PRTFDC1: variants seen among roughly 807,000 people sequenced by gnomAD.
PRTFDC1 encodes the protein phosphoribosyltransferase domain-containing protein 1.
Under a neutral mutation model 34.6 loss-of-function variants are expected in PRTFDC1, and 38 were observed. The ratio of observed to expected loss-of-function variants is 1.10; its 90% CI spans 0.85 to 1.44. The LOEUF (loss-of-function observed/expected upper bound fraction) is 1.44. Ranked by LOEUF, PRTFDC1 falls within the 40% of genes most tolerant of loss-of-function variation. The probability of loss-of-function intolerance (pLI) is 0.00; values close to 1 mark genes in which losing one functional copy is unlikely to be tolerated. For missense variants in PRTFDC1, 270 were observed against 283.0 expected (o/e 0.95, Z 0.33); for synonymous variants, 93 against 98.1 (o/e 0.95, Z 0.31).
chr10:24,850,999 G>A (rs1039842329), intron 8 of PRTFDC1, among the ~76,000 whole-genome samples: 1 of 152,142 alleles, frequency 6.6e-6, no homozygotes, highest in East Asian at 1.9e-4. Context: ...AGAGGGAAGA[G>A]TTATGAGCTG....
rs116856216 is a variant in PRTFDC1 at position 24,858,428 on chromosome 10, A to G, written c.406-19T>C. ...GAACATTCTGAAATAAACAAAACCC[A>G]TATTTTAGAATGTGATGCCAATCTG... On this transcript the variant is annotated intron_variant, in intron 4 of 8. Coordinates refer to ENST00000320152, the MANE Select transcript of PRTFDC1 (RefSeq NM_020200.7). 5.6e-6 allele frequency: 9 copies of G among 1,612,590 alleles called. No homozygotes were observed. Among genetic ancestry groups the G allele is most frequent in the South Asian group, 3.3e-5 (3 of 90,904 alleles).
At chr10:24,883,815 G>T (rs1017971621) in intron 3 of PRTFDC1, among the ~76,000 whole-genome samples, 1 of 126,150 alleles carries the variant, frequency 7.9e-6, no homozygotes, top group Non-Finnish European at 1.6e-5. Flanking sequence ...TTTCTTAAGA[G>T]ACCTTTTTTT....
At chr10:24,892,217 G>A (rs1449411047) in intron 3 of PRTFDC1, among the ~76,000 whole-genome samples, 3 of 151,992 alleles carry the variant, frequency 2.0e-5, no homozygotes, top group Non-Finnish European at 4.4e-5. Context: ...GAACTCCTGG[G>A]CTCAAGCAAT....
At chr10:24,903,900 G>C (rs1025813709) in intron 3 of PRTFDC1, among the ~76,000 whole-genome samples, 1 of 151,516 alleles carries the variant, frequency 6.6e-6, no homozygotes, top group Non-Finnish European at 1.5e-5. Flanking sequence ...ACCTCCCCAG[G>C]CTGGTCTCAA....
chr10:24,935,943 A>T (rs1401246574), intron 3 of PRTFDC1, among the ~76,000 whole-genome samples: 4 of 152,196 alleles, frequency 2.6e-5, no homozygotes, highest in African/African-American at 9.7e-5. Flanking sequence ...AATCCCAACT[A>T]ACACACTGAT....
chr10:24,876,063 G>C (rs1847958264), intron 3 of PRTFDC1, among the ~76,000 whole-genome samples: 1 of 151,954 alleles, frequency 6.6e-6, no homozygotes, highest in Non-Finnish European at 1.5e-5. Context: ...GATAGGGCAA[G>C]TCTACTTTTT....
In PRTFDC1 at chr10:24,881,682, C is replaced by T. The variant is rs558713488; in HGVS notation, c.340-9619G>A. 2.0e-5 allele frequency among the ~76,000 whole-genome samples: 3 copies of T among 152,252 alleles called. No individual in the cohort carries two copies. The South Asian group carries it at 6.2e-4, about 32-fold the overall frequency. On this transcript the variant is annotated intron_variant, in intron 3 of 8. Coordinates refer to ENST00000320152, the MANE Select transcript of PRTFDC1 (RefSeq NM_020200.7). ...TTGTAAACAAAAGAACCTCAACAAT[C>T]ACTCTAGTTTACAGGAAAAGTCAAT... is the stretch of plus-strand genomic sequence containing the variant.
intron 3 of PRTFDC1, among the ~76,000 whole-genome samples, chr10:24,923,626 C>T (rs1848825038): frequency 6.6e-6 from 1 of 152,184 alleles, no homozygotes; most frequent in Non-Finnish European, 1.5e-5. Flanking sequence ...AGGACATCCA[C>T]ACCAAAACCC....
At chr10:24,880,869 T>C (rs12263031) in intron 3 of PRTFDC1, among the ~76,000 whole-genome samples, 5 of 146,604 alleles carry the variant, frequency 3.4e-5, no homozygotes, top group African/African-American at 1.0e-4. Flanking sequence ...CTTTCTTTCT[T>C]TCTTTCTTTC....
intron 4 of PRTFDC1, among the ~76,000 whole-genome samples, chr10:24,859,024 A>G (rs910772713): frequency 3.3e-5 from 5 of 152,132 alleles, no homozygotes; most frequent in African/African-American, 7.2e-5. Flanking sequence ...ACACTGTGAT[A>G]TGGTTTGGAT....
intron 4 of PRTFDC1, among the ~76,000 whole-genome samples, chr10:24,868,356 C>T (rs1181094791): frequency 1.3e-5 from 2 of 152,216 alleles, no homozygotes; most frequent in African/African-American, 4.8e-5. Flanking sequence ...CATGGAAAGA[C>T]CTATGGGGCT....
chr10:24,927,081 TA>T (rs894641849), intron 3 of PRTFDC1, among the ~76,000 whole-genome samples: 8 of 151,806 alleles, frequency 5.3e-5, no homozygotes, highest in African/African-American at 9.7e-5. Context: ...GGTTTCACTT[TA>T]AAAAAAAATT....
At chr10:24,942,542 G>A (rs1849179644) in intron 1 of PRTFDC1, 106 bp from the exon 2 acceptor site, 1 of 897,214 alleles carries the variant, frequency 1.1e-6, no homozygotes, top group Non-Finnish European at 1.8e-6. Context: ...CTTATGAAAA[G>A]TTTAGTGGAA....
chr10:24,938,228 CAA>C (rs376516693), intron 2 of PRTFDC1, among the ~76,000 whole-genome samples: 3 of 133,702 alleles, frequency 2.2e-5, no homozygotes. Flanking sequence ...GGCTCCTTCT[CAA>C]AAAAAAAAAA....
intron 2 of PRTFDC1, among the ~76,000 whole-genome samples, chr10:24,937,589 A>G: frequency 7.2e-6 from 1 of 139,496 alleles, no homozygotes. Context: ...ATGGAGTCTC[A>G]CTCTGTTGCC....
At chr10:24,889,639 T>C (rs1015491313) in intron 3 of PRTFDC1, among the ~76,000 whole-genome samples, 8 of 152,370 alleles carry the variant, frequency 5.3e-5, no homozygotes, top group African/African-American at 1.2e-4. Flanking sequence ...TATTACTTTT[T>C]AGGCTTAAGG....
chr10:24,885,889 T>G (rs1397128049), intron 3 of PRTFDC1, among the ~76,000 whole-genome samples: 1 of 152,234 alleles, frequency 6.6e-6, no homozygotes, highest in Non-Finnish European at 1.5e-5. Context: ...GAAGCCATTC[T>G]GAAAGGCCAC....
At position 24,952,567 on chromosome 10, in the gene PRTFDC1, C is replaced by G; in HGVS notation, c.9G>C (p.Gly3=). 1.3e-6 allele frequency: 2 copies of G among 1,591,432 alleles called. No individual in the cohort carries two copies. Among genetic ancestry groups the G allele is most frequent in the Non-Finnish European group, 1.7e-6 (2 of 1,169,086 alleles). The change falls in exon 1 of 9, where the codon GGG becomes GGC. Residue 3 remains glycine (G), a synonymous_variant. Transcript: ENST00000320152. This position sits in a 1 kb window ranked among gnomAD's most constrained non-coding sequence, Gnocchi z 5.1. The stretch of plus-strand genomic sequence containing the variant: ...CGTAGTCTGGCGCCTCCTCGCTGCT[C>G]CCGGCCATGTTTCTCCCGGGGAACG... The part of the protein sequence containing the change: MA[G]SSEEAPDYGR...
intron 3 of PRTFDC1, among the ~76,000 whole-genome samples, chr10:24,917,856 G>A (rs1395364845): frequency 7.2e-5 from 11 of 152,180 alleles, no homozygotes; most frequent in African/African-American, 2.2e-4. Context: ...TGGGGGCTAC[G>A]AGTGGTCACA....
Sources: allele counts gnomAD v4.1 joint callset (sites outside exome capture counted in the v4.1 genomes callset), GRCh38; gene constraint gnomAD v4.1.1; non-coding constraint Gnocchi (gnomAD v3.1); transcripts MANE v1.5; gene names NCBI Gene and HGNC (gene_info 2026-07-23, HGNC 2026-07-21).